PRR7: variants seen among roughly 807,000 people sequenced by gnomAD.
PRR7 encodes the protein proline rich 7, synaptic.
In PRR7, 8 loss-of-function variants were observed where a neutral mutation model predicts 18.5. That is an observed-to-expected ratio of 0.43 (90% CI 0.25 to 0.78). The LOEUF (loss-of-function observed/expected upper bound fraction) is 0.78, where lower values mean the gene tolerates loss of function less well. Ranked by LOEUF, PRR7 falls within the 30% of genes least tolerant of loss-of-function variation. The probability of loss-of-function intolerance (pLI) is 0.22; values close to 1 mark genes in which losing one functional copy is unlikely to be tolerated. For missense variants in PRR7, 396 were observed against 403.1 expected (o/e 0.98, Z 0.15); for synonymous variants, 221 against 187.7 (o/e 1.18, Z -1.45).
In PRR7 at chr5:177,454,228, C is replaced by T. The variant is rs1458735228; in HGVS notation, c.-240+188C>T. ...GGAAGAGAGTGTGGCCCACGCCCGG[C>T]GCGGCGCGCTAGGCTCAGACAAAGG... On this transcript the variant is annotated intron_variant, in intron 2 of 3. Coordinates refer to ENST00000323249, the MANE Select transcript of PRR7 (RefSeq NM_030567.5). This position sits in a 1 kb window ranked among gnomAD's most constrained non-coding sequence, Gnocchi z 4.7. Among the ~76,000 whole-genome samples, 1 of 152,196 alleles carries T rather than the reference C, an allele frequency of 6.6e-6. No individual in the cohort carries two copies. Among genetic ancestry groups the T allele is most frequent in the African/African-American group, 2.4e-5 (1 of 41,458 alleles).
chr5:177,452,528 G>C (rs983897864), intron 1 of PRR7, among the ~76,000 whole-genome samples: 1 of 152,232 alleles, frequency 6.6e-6, no homozygotes, highest in Non-Finnish European at 1.5e-5. Flanking sequence ...CTGGGAGGGA[G>C]GCTTCAGACA....
chr5:177,456,205 AGGGGCGGGGG>A lies in PRR7; in HGVS notation c.*86_*95del, dbSNP rs1020132076. On this transcript the variant is annotated 3_prime_UTR_variant, in exon 4 of 4. Coordinates refer to ENST00000323249, the MANE Select transcript of PRR7 (RefSeq NM_030567.5). ...TTAAATGCTTCCCTGGACTGCGGGGAGGGGCGGGGGGAGGGAGGGATTTCTTATCCCGTTT... is the reference window on the plus strand; with the variant it reads ...TTAAATGCTTCCCTGGACTGCGGGGAGAGGGAGGGATTTCTTATCCCGTTT... 1.4e-4 allele frequency: 59 copies of A among 416,924 alleles called. No individual in the cohort carries two copies. The highest frequency in any genetic ancestry group is 2.2e-4 in the Non-Finnish European group (55 of 250,880). The allele number at this position is 416,924 out of a possible 1,614,324, so 25.8% of individuals were successfully genotyped here. A position where few individuals can be genotyped will look rare whatever the true frequency, so the allele number is the denominator to read the frequency against.
rs1216467047 is a variant in PRR7, at chr5:177,455,406, G to T, written c.339G>T (p.Ala113=). ...HHGPAQPHAH[A]HPHPHHHALP... The stretch of plus-strand genomic sequence containing the variant: ...GGCCCGCGCAGCCGCACGCGCACGC[G>T]CACCCACACCCGCACCACCACGCGC... Residue 113 remains alanine (A), a synonymous_variant, in exon 3 of 4, where the codon GCG becomes GCT. Coordinates refer to ENST00000323249, the MANE Select transcript of PRR7 (RefSeq NM_030567.5). This position sits in a 1 kb window ranked among gnomAD's most constrained non-coding sequence, Gnocchi z 6.9. The T allele has an allele frequency of 6.7e-7, 1 of 1,496,426 alleles. No homozygotes were observed. The allele number at this position is 1,496,426 out of a possible 1,614,324, so 92.7% of individuals were successfully genotyped here. A position where few individuals can be genotyped will look rare whatever the true frequency, so the allele number is the denominator to read the frequency against.
chr5:177,446,113 G>A (rs1383805657), upstream of PRR7: 2 of 152,004 alleles, frequency 1.3e-5, no homozygotes, highest in African/African-American at 4.8e-5. This position sits in a 1 kb window ranked among gnomAD's most constrained non-coding sequence, Gnocchi z 5.3. Flanking sequence ...GTGCAGTAGA[G>A]AAGTTGGACG....
upstream of PRR7, chr5:177,446,159 A>G (rs1490370076): frequency 6.6e-6 from 1 of 152,202 alleles, no homozygotes; most frequent in South Asian, 2.1e-4. The surrounding 1 kb of genome is among the most constrained non-coding windows in gnomAD (Gnocchi z 5.3). Flanking sequence ...TGGACAGCCA[A>G]CTTCAGAGTG....
In PRR7 at chr5:177,454,939, G is replaced by C. The variant is rs528469620; in HGVS notation, c.-129G>C. ...GCGCGCACGACTTGAGACCTGCCACGGGCAGCCCCCGGCCGCGGGTCCCCG... is the reference window on the plus strand; with the variant it reads ...GCGCGCACGACTTGAGACCTGCCACCGGCAGCCCCCGGCCGCGGGTCCCCG... On this transcript the variant is annotated 5_prime_UTR_variant, in exon 3 of 4. Coordinates refer to ENST00000323249, the MANE Select transcript of PRR7 (RefSeq NM_030567.5). This position sits in a 1 kb window ranked among gnomAD's most constrained non-coding sequence, Gnocchi z 4.7. 221 of 1,246,008 alleles carry C rather than the reference G, an allele frequency of 1.8e-4. No homozygotes were observed. In the African/African-American group the frequency reaches 3.2e-3, roughly 18 times the overall value. 77.2% of individuals were successfully genotyped at this position (1,246,008 alleles called of 1,614,324 possible). A position where few individuals can be genotyped will look rare whatever the true frequency, so the allele number is the denominator to read the frequency against.
chr5:177,452,252 C>T (rs923671345), intron 1 of PRR7, among the ~76,000 whole-genome samples: 2 of 152,170 alleles, frequency 1.3e-5, no homozygotes, highest in African/African-American at 4.8e-5. Flanking sequence ...GGAGGAGGCA[C>T]GTATTGGCTA....
chr5:177,447,598 A>G, intron 1 of PRR7: 1 of 125,500 alleles, frequency 8.0e-6, no homozygotes. Context: ...CCGGCCCTGG[A>G]CATGGCCTGA....
At position 177,454,602 on chromosome 5, in the gene PRR7, C is replaced by T. The variant is rs1756305686; in HGVS notation, c.-239-227C>T. Among the ~76,000 whole-genome samples the T allele has an allele frequency of 1.3e-5, 2 of 152,090 alleles. No homozygotes were observed. The highest frequency in any genetic ancestry group is 2.4e-5 in the African/African-American group (1 of 41,438). On this transcript the variant is annotated intron_variant, in intron 2 of 3. Coordinates refer to ENST00000323249, the MANE Select transcript of PRR7 (RefSeq NM_030567.5). This position sits in a 1 kb window ranked among gnomAD's most constrained non-coding sequence, Gnocchi z 4.7. Reference sequence around the variant, plus strand: ...CCCCTGCTGGCCCGCCTCGGCTCCCCTCGGCGCCCGGGCTCCGCGGCGGCG... The same window carrying T: ...CCCCTGCTGGCCCGCCTCGGCTCCCTTCGGCGCCCGGGCTCCGCGGCGGCG...
chr5:177,446,523 T>C (rs901251164), upstream of PRR7: 6 of 152,484 alleles, frequency 3.9e-5, no homozygotes, highest in African/African-American at 1.4e-4. This position sits in a 1 kb window ranked among gnomAD's most constrained non-coding sequence, Gnocchi z 5.3. Context: ...TGCCTGGCTG[T>C]GCATCCAGCG....
chr5:177,455,985 G>T lies in PRR7; in HGVS notation c.689G>T (p.Cys230Phe). 6.3e-7 allele frequency: 1 copy of T among 1,587,980 alleles called. No homozygotes were observed. The highest frequency in any genetic ancestry group is 8.5e-7 in the Non-Finnish European group (1 of 1,171,690). Reference sequence around the variant, plus strand: ...CCCGCGCCGCCCTGCCCAGCCCTCTGCCTGCAGGCCGACCGTGGCCGCCGG... The same window carrying T: ...CCCGCGCCGCCCTGCCCAGCCCTCTTCCTGCAGGCCGACCGTGGCCGCCGG... ...PRPAPPCPALCLQADRGRRVF... is the reference protein window; with the variant it reads ...PRPAPPCPALFLQADRGRRVF... Residue 230 changes from cysteine to phenylalanine, a missense_variant, in exon 4 of 4, where the codon TGC becomes TTC. Physicochemically the swap from Cys to Phe is radical, Grantham distance 205 (BLOSUM62 -2). Transcript: ENST00000323249. The surrounding 1 kb of genome is among the most constrained non-coding windows in gnomAD (Gnocchi z 6.9).
rs1351764066 is a variant in PRR7, at chr5:177,455,993, G to T, written c.697G>T (p.Ala233Ser). The change falls in exon 4 of 4, where the codon GCC becomes TCC. Residue 233 changes from alanine (A) to serine (S), a missense_variant. Coordinates refer to ENST00000323249, the MANE Select transcript of PRR7 (RefSeq NM_030567.5). The surrounding 1 kb of genome is among the most constrained non-coding windows in gnomAD (Gnocchi z 6.9). ...APPCPALCLQ[A>S]DRGRRVFPSW... Reference sequence around the variant, plus strand: ...GCCCTGCCCAGCCCTCTGCCTGCAGGCCGACCGTGGCCGCCGGGTCTTCCC... The same window carrying T: ...GCCCTGCCCAGCCCTCTGCCTGCAGTCCGACCGTGGCCGCCGGGTCTTCCC... The T allele has an allele frequency of 2.3e-5, 36 of 1,582,232 alleles. No homozygotes were observed. The highest frequency in any genetic ancestry group is 3.0e-5 in the Non-Finnish European group (35 of 1,169,244).
At position 177,455,462 on chromosome 5, in the gene PRR7, T is replaced by G; in HGVS notation, c.395T>G (p.Val132Gly). Residue 132 changes from valine (V) to glycine (G), a missense_variant, in exon 3 of 4, where the codon GTG becomes GGG. By Grantham distance (109) the Val-to-Gly change is moderately radical. Coordinates refer to ENST00000323249, the MANE Select transcript of PRR7 (RefSeq NM_030567.5). The surrounding 1 kb of genome is among the most constrained non-coding windows in gnomAD (Gnocchi z 6.9). Reference sequence around the variant, plus strand: ...CACCCGCCGCCTACGCACCTGTCGGTGCCGCCACGGCCCTGGAGCTACCCG... The same window carrying G: ...CACCCGCCGCCTACGCACCTGTCGGGGCCGCCACGGCCCTGGAGCTACCCG... The part of the protein sequence containing the change: ...LPHPPPTHLS[V>G]PPRPWSYPRQ... 6.6e-7 allele frequency: 1 copy of G among 1,506,186 alleles called. No individual in the cohort carries two copies. The highest frequency in any genetic ancestry group is 8.8e-7 in the Non-Finnish European group (1 of 1,135,426). 93.3% of individuals were successfully genotyped at this position (1,506,186 alleles called of 1,614,324 possible).
Position 177,455,634 on chromosome 5 carries a change from G to A in PRR7, c.428-90G>A, listed in dbSNP as rs1325807055. 1 of 1,425,686 alleles carries A rather than the reference G, an allele frequency of 7.0e-7. No homozygotes were observed. The highest frequency in any genetic ancestry group is 9.2e-7 in the Non-Finnish European group (1 of 1,088,258). 88.3% of individuals were successfully genotyped at this position (1,425,686 alleles called of 1,614,324 possible). A position where few individuals can be genotyped will look rare whatever the true frequency, so the allele number is the denominator to read the frequency against. On this transcript the variant is annotated intron_variant, in intron 3 of 3. Coordinates refer to ENST00000323249, the MANE Select transcript of PRR7 (RefSeq NM_030567.5). This position sits in a 1 kb window ranked among gnomAD's most constrained non-coding sequence, Gnocchi z 6.9. ...GGCGGCGGGCTCGGGTTCGGGCTAG[G>A]GCTGGGGCGCGGGCGGCCCCTGGCC...
In PRR7 at chr5:177,454,312, C is replaced by A. The variant is rs1257850597; in HGVS notation, c.-240+272C>A. Among the ~76,000 whole-genome samples the A allele has an allele frequency of 6.6e-6, 1 of 152,232 alleles. No homozygotes were observed. The highest frequency in any genetic ancestry group is 2.4e-5 in the African/African-American group (1 of 41,456). On this transcript the variant is annotated intron_variant, in intron 2 of 3. Coordinates refer to ENST00000323249, the MANE Select transcript of PRR7 (RefSeq NM_030567.5). This position sits in a 1 kb window ranked among gnomAD's most constrained non-coding sequence, Gnocchi z 4.7. Reference sequence around the variant, plus strand: ...ACCCGCCTGAGCCCCCCTACGGGAGCGGCGGGAGACCCGGAGGGCGCGGTG... The same window carrying A: ...ACCCGCCTGAGCCCCCCTACGGGAGAGGCGGGAGACCCGGAGGGCGCGGTG...
In PRR7 at chr5:177,456,217, A is replaced by T; in HGVS notation, c.*96A>T. 2 of 380,212 alleles carry T rather than the reference A, an allele frequency of 5.3e-6. No homozygotes were observed. Among genetic ancestry groups the T allele is most frequent in the Non-Finnish European group, 4.7e-6 (1 of 211,516 alleles). 23.6% of individuals were successfully genotyped at this position (380,212 alleles called of 1,614,324 possible). On this transcript the variant is annotated 3_prime_UTR_variant, in exon 4 of 4. Coordinates refer to ENST00000323249, the MANE Select transcript of PRR7 (RefSeq NM_030567.5). ...CTGGACTGCGGGGAGGGGCGGGGGG[A>T]GGGAGGGATTTCTTATCCCGTTTGT...
chr5:177,454,872 C>T lies in PRR7; in HGVS notation c.-196C>T. The T allele has an allele frequency of 4.6e-6, 3 of 654,666 alleles. No individual in the cohort carries two copies. The highest frequency in any genetic ancestry group is 6.3e-6 in the Non-Finnish European group (3 of 475,092). The allele number at this position is 654,666 out of a possible 1,614,324, so 40.6% of individuals were successfully genotyped here. ...TGAGGCACGCCCGCGCGCCCGCCGG[C>T]GCCATGGGAAGGAGCGGGCGCCGCT... On this transcript the variant is annotated 5_prime_UTR_variant, in exon 3 of 4. Transcript: ENST00000323249. The surrounding 1 kb of genome is among the most constrained non-coding windows in gnomAD (Gnocchi z 4.7).
In PRR7 at chr5:177,449,885, C is replaced by T. The variant is rs1482185193; in HGVS notation, c.-325+2925C>T. ...TCTGGCCAGCTCCAAGCCTGGCTGA[C>T]TGGGAGTGGAGACAAGTCCTGTCAA... On this transcript the variant is annotated intron_variant, in intron 1 of 3. Transcript: ENST00000323249. This position sits in a 1 kb window ranked among gnomAD's most constrained non-coding sequence, Gnocchi z 4.2. Among the ~76,000 whole-genome samples the T allele has an allele frequency of 6.6e-6, 1 of 152,194 alleles. No individual in the cohort carries two copies. The highest frequency in any genetic ancestry group is 2.4e-5 in the African/African-American group (1 of 41,444).
Position 177,450,882 on chromosome 5 carries a change from C to T in PRR7, c.-324-3074C>T, listed in dbSNP as rs889428071. On this transcript the variant is annotated intron_variant, in intron 1 of 3. Transcript: ENST00000323249. The surrounding 1 kb of genome is among the most constrained non-coding windows in gnomAD (Gnocchi z 6.6). ...CCCAGCACTGTTTTAACAGCCTCCA[C>T]GTGGTTCTGTTGCCTGCTTAAATTT... 1.3e-5 allele frequency among the ~76,000 whole-genome samples: 2 copies of T among 152,228 alleles called. No individual in the cohort carries two copies. The highest frequency in any genetic ancestry group is 4.8e-5 in the African/African-American group (2 of 41,456).
Sources: allele counts gnomAD v4.1 joint callset (sites outside exome capture counted in the v4.1 genomes callset), GRCh38; gene constraint gnomAD v4.1.1; non-coding constraint Gnocchi (gnomAD v3.1); transcripts MANE v1.5; gene names NCBI Gene and HGNC (gene_info 2026-07-23, HGNC 2026-07-21).